NVL: variants seen among roughly 807,000 people sequenced by gnomAD.
NVL encodes nuclear valosin-containing protein-like.
A neutral mutation model predicts 110.2 loss-of-function variants in NVL; 84 were observed. The ratio of observed to expected loss-of-function variants is 0.76; its 90% CI spans 0.64 to 0.91. The LOEUF is 0.91. NVL is among the 40% of genes least tolerant of loss of function. The pLI is 0.00. For synonymous variants in NVL, 354 were observed against 361.1 expected (o/e 0.98, Z 0.22); for missense variants, 882 against 1,035.9 (o/e 0.85, Z 2.04).
At chr1:224,236,819 G>A (rs896071181) in intron 19 of NVL, among the ~76,000 whole-genome samples, 2 of 152,202 alleles carry the variant, frequency 1.3e-5, no homozygotes, top group Admixed American at 6.6e-5. Context: ...GCTGAGGCAC[G>A]AGAATTGCTC....
At chr1:224,231,562 T>C (rs889316526) in intron 21 of NVL, among the ~76,000 whole-genome samples, 2 of 152,168 alleles carry the variant, frequency 1.3e-5, no homozygotes, top group African/African-American at 4.8e-5. Flanking sequence ...TTAATGGTGA[T>C]GCCTATGAAC....
chr1:224,253,851 A>C (rs1031982272), intron 18 of NVL, among the ~76,000 whole-genome samples: 5 of 152,108 alleles, frequency 3.3e-5, no homozygotes, highest in African/African-American at 9.7e-5. Flanking sequence ...ATCCTTGCCA[A>C]CATTTGGCAC....
At chr1:224,278,078 T>C (rs543290124) in intron 16 of NVL, among the ~76,000 whole-genome samples, 17 of 152,266 alleles carry the variant, frequency 1.1e-4, no homozygotes, top group African/African-American at 3.4e-4. Flanking sequence ...ACTTGGATGA[T>C]AGTGACTTTC....
chr1:224,228,973 G>A (rs1237545665), intron 22 of NVL, among the ~76,000 whole-genome samples: 2 of 150,364 alleles, frequency 1.3e-5, no homozygotes, highest in Non-Finnish European at 3.0e-5. Context: ...TTTCCAGTGT[G>A]GTTGTATCTA....
intron 10 of NVL, chr1:224,298,211 A>G: frequency 4.9e-6 from 1 of 205,800 alleles, no homozygotes. Context: ...CTCAAAAAAG[A>G]AAAGAAGAGA....
chr1:224,299,605 T>C (rs1158445011), intron 10 of NVL, among the ~76,000 whole-genome samples: 1 of 152,206 alleles, frequency 6.6e-6, no homozygotes. Flanking sequence ...TCATCGTGTT[T>C]ACCATACGCA....
intron 10 of NVL, chr1:224,297,602 T>C (rs1667999176): frequency 6.4e-6 from 1 of 157,194 alleles, no homozygotes; most frequent in African/African-American, 2.4e-5. Flanking sequence ...ATGTTTAAAA[T>C]GGCCTTTTCA....
At chr1:224,239,782 C>A (rs1336033096) in intron 19 of NVL, among the ~76,000 whole-genome samples, 4 of 152,130 alleles carry the variant, frequency 2.6e-5, no homozygotes, top group South Asian at 2.1e-4. Flanking sequence ...TTGTGTAATA[C>A]CCTCAGTTTA....
Position 224,305,147 on chromosome 1 carries a change from AGAG to A in NVL, c.632_634del (p.Ser211_Leu212delinsPhe), listed in dbSNP as rs1668792833. The A allele has an allele frequency of 6.2e-7, 1 of 1,609,746 alleles. No homozygotes were observed. Among genetic ancestry groups the A allele is most frequent in the African/African-American group, 1.3e-5 (1 of 74,720 alleles). On this transcript the variant is annotated inframe_deletion, in exon 7 of 23. Transcript: ENST00000281701. ...TTTCCGTTTCATATCACTCTCCAAA[AGAG>A]AAGAATCTTTTGAATCCTGGAAAGA...
At chr1:224,305,254 A>T in intron 6 of NVL, 88 bp from the exon 7 acceptor site, 1 of 1,321,534 alleles carries the variant, frequency 7.6e-7, no homozygotes. Context: ...TTGTAAAGAA[A>T]ATTCATTCCT....
intron 2 of NVL, among the ~76,000 whole-genome samples, 180 bp downstream of exon 2, chr1:224,326,211 T>C (rs879895042): frequency 2.0e-5 from 3 of 152,244 alleles, no homozygotes; most frequent in Non-Finnish European, 4.4e-5. Flanking sequence ...AAAGACATTT[T>C]ACTGCACATA....
chr1:224,237,960 TCAAAAAAA>T (rs1660694753), intron 19 of NVL, among the ~76,000 whole-genome samples: 1 of 42,944 alleles, frequency 2.3e-5, no homozygotes, highest in Non-Finnish European at 4.9e-5. Flanking sequence ...AGACTTGGTT[TCAAAAAAA>T]AAAAAAAAAA....
intron 22 of NVL, among the ~76,000 whole-genome samples, chr1:224,230,860 G>A (rs552865143): frequency 8.5e-5 from 13 of 152,180 alleles, no homozygotes; most frequent in East Asian, 3.9e-4. Context: ...TCAGCCGGGC[G>A]CGGTGGCTCA....
Position 224,308,149 on chromosome 1 carries a change from TC to T in NVL, c.456del (p.Ile153Ter). 3 of 1,614,122 alleles carry T rather than the reference TC, an allele frequency of 1.9e-6. No individual in the cohort carries two copies. Among genetic ancestry groups the T allele is most frequent in the Non-Finnish European group, 2.5e-6 (3 of 1,180,010 alleles). ...GGAATGGAGCCTGTTTTGGAACTTATCCGTGGTGTTGAAGAGGTGGTTTCTC... is the reference window on the plus strand; with the variant it reads ...GGAATGGAGCCTGTTTTGGAACTTATCGTGGTGTTGAAGAGGTGGTTTCTC... ...EQRETTSSTPRISSKTGSIPL... is the reference protein window; with the variant it reads ...EQRETTSSTPXISSKTGSIPL... On this transcript the variant is annotated frameshift_variant, in exon 6 of 23. Transcript: ENST00000281701. LOFTEE classifies it high-confidence loss of function.
intron 2 of NVL, 101 bp from the exon 3 acceptor site, chr1:224,318,031 T>C: frequency 1.3e-6 from 1 of 764,542 alleles, no homozygotes; most frequent in Non-Finnish European, 2.1e-6. Context: ...GAATATTTCA[T>C]TGTTACAGTA....
Position 224,275,370 on chromosome 1 carries a change from T to A in NVL, c.2051A>T (p.Asp684Val), listed in dbSNP as rs1389057103. The change falls in exon 17 of 23, where the codon GAT becomes GTT. Residue 684 changes from aspartate (D) to valine (V), a missense_variant. By Grantham distance (152) the Asp-to-Val change is radical. This residue lies in a region of NVL where 66 missense variants were observed against 127.5 expected (regional missense o/e 0.52). Coordinates refer to ENST00000281701, the MANE Select transcript of NVL (RefSeq NM_002533.4). ...APCVIFFDEV[D>V]ALCPRRSDRE... is the part of the protein sequence containing the mutation. ...GTCTGATCTTCGAGGACATAAAGCA[T>A]CCACTTCATCAAAGAATATCACACA... The A allele has an allele frequency of 1.2e-6, 2 of 1,614,068 alleles. No individual in the cohort carries two copies. Among genetic ancestry groups the A allele is most frequent in the Non-Finnish European group, 1.7e-6 (2 of 1,180,036 alleles).
At position 224,301,083 on chromosome 1, in the gene NVL, G is replaced by A. The variant is rs567243393; in HGVS notation, c.961-420C>T. On this transcript the variant is annotated intron_variant, in intron 9 of 22. Coordinates refer to ENST00000281701, the MANE Select transcript of NVL (RefSeq NM_002533.4). ...ATCGCGCCATTGCACTCCAGCCTGG[G>A]CAACAAGAGCAAAACTCCATCTCAA... 5.4e-5 allele frequency among the ~76,000 whole-genome samples: 8 copies of A among 147,818 alleles called. No homozygotes were observed. The South Asian group carries it at 1.8e-3, about 33-fold the overall frequency.
chr1:224,257,375 C>G (rs765689314), intron 18 of NVL, among the ~76,000 whole-genome samples: 1 of 152,010 alleles, frequency 6.6e-6, no homozygotes, highest in Non-Finnish European at 1.5e-5. Flanking sequence ...TGAGAGGTAA[C>G]AGTAGCAACT....
At chr1:224,262,427 T>C (rs749377199) in intron 18 of NVL, among the ~76,000 whole-genome samples, 4 of 152,122 alleles carry the variant, frequency 2.6e-5, no homozygotes, top group Non-Finnish European at 4.4e-5. Context: ...AAAAATCTAC[T>C]TCCTACATAA....
Sources: gnomAD v4.1 joint callset for allele counts (sites outside exome capture counted in the v4.1 genomes callset) on GRCh38, gnomAD v4.1.1 for gene constraint, gnomAD v4.1.1 regional missense constraint, MANE v1.5 for transcripts, NCBI Gene and HGNC (gene_info 2026-07-23, HGNC 2026-07-21) for gene names.